Variants in GRID2 observed in about 807,000 individuals in gnomAD.
GRID2 encodes glutamate receptor ionotropic, delta-2.
In GRID2, 33 loss-of-function variants were observed where a neutral mutation model predicts 114.8. That is an observed-to-expected ratio of 0.29 (90% CI 0.22 to 0.38). The LOEUF (loss-of-function observed/expected upper bound fraction) is 0.38, where lower values mean the gene tolerates loss of function less well. GRID2 is among the 10% of genes least tolerant of loss of function. The pLI is 1.00. For missense variants in GRID2, 1,184 were observed against 1,257.7 expected (o/e 0.94, Z 0.89); for synonymous variants, 505 against 449.9 (o/e 1.12, Z -1.55).
intron 14 of GRID2, among the ~76,000 whole-genome samples, chr4:93,633,402 C>T (rs1211466668): frequency 1.3e-5 from 2 of 151,964 alleles, no homozygotes; most frequent in Non-Finnish European, 1.5e-5. Context: ...TTACACTTTA[C>T]CTCTTGTTTC....
chr4:93,398,704 C>T (rs1298940721), intron 9 of GRID2, among the ~76,000 whole-genome samples: 1 of 150,228 alleles, frequency 6.7e-6, no homozygotes, highest in African/African-American at 2.4e-5. Flanking sequence ...CTTAGCCCTG[C>T]ACAGATATTG....
chr4:93,066,243 T>C (rs1728281150), intron 2 of GRID2, among the ~76,000 whole-genome samples: 1 of 152,010 alleles, frequency 6.6e-6, no homozygotes, highest in Admixed American at 6.6e-5. Flanking sequence ...TAACATGTGA[T>C]GGTACTAAGA....
At position 93,205,001 on chromosome 4, in the gene GRID2, C is replaced by A. The variant is rs535471517; in HGVS notation, c.736-2403C>A. On this transcript the variant is annotated intron_variant, in intron 4 of 15. Transcript: ENST00000282020. ...TTTACATATTTTAGTAGTGGTTTAC[C>A]CCCTTGTACAACATATTTCTCTTTA... Among the ~76,000 whole-genome samples, 5 of 151,976 alleles carry A rather than the reference C, an allele frequency of 3.3e-5. No homozygotes were observed. In the South Asian group the frequency reaches 6.2e-4, roughly 19 times the overall value.
At chr4:93,114,560 A>C (rs748401908) in intron 4 of GRID2, among the ~76,000 whole-genome samples, 13 of 152,168 alleles carry the variant, frequency 8.5e-5, no homozygotes, top group Non-Finnish European at 1.5e-4. Context: ...GCAATGATGT[A>C]GGAATGGCAG....
At chr4:92,521,988 G>A (rs572932633) in intron 1 of GRID2, among the ~76,000 whole-genome samples, 7 of 151,964 alleles carry the variant, frequency 4.6e-5, no homozygotes, top group South Asian at 2.1e-4. Flanking sequence ...TCCATCCCTC[G>A]TGGAGCCTAT....
chr4:92,734,131 CA>C (rs1358707227), intron 2 of GRID2, among the ~76,000 whole-genome samples: 1 of 151,998 alleles, frequency 6.6e-6, no homozygotes, highest in African/African-American at 2.4e-5. Context: ...ATGTTTCTAT[CA>C]GCCCTTAGAA....
chr4:92,727,342 A>G (rs1736116671), intron 2 of GRID2, among the ~76,000 whole-genome samples: 1 of 152,132 alleles, frequency 6.6e-6, no homozygotes, highest in East Asian at 1.9e-4. Flanking sequence ...ATTTTCTGTT[A>G]AGAAAACAAA....
intron 1 of GRID2, among the ~76,000 whole-genome samples, chr4:92,487,267 G>T (rs1722941586): frequency 6.6e-6 from 1 of 151,722 alleles, no homozygotes; most frequent in African/African-American, 2.4e-5. Flanking sequence ...TAATATAGAA[G>T]CATAGATATT....
intron 2 of GRID2, among the ~76,000 whole-genome samples, chr4:92,777,394 G>A (rs1214847485): frequency 3.3e-5 from 5 of 151,908 alleles, no homozygotes; most frequent in Admixed American, 6.6e-5. Flanking sequence ...GTGCCTCCAC[G>A]TTTTTCTCAT....
chr4:93,420,977 T>C (rs989659500), intron 9 of GRID2, among the ~76,000 whole-genome samples: 9 of 152,038 alleles, frequency 5.9e-5, no homozygotes, highest in African/African-American at 2.2e-4. Context: ...ATGGTCTCAA[T>C]CTCCTGACCT....
chr4:92,691,858 T>A (rs890891267), intron 2 of GRID2, among the ~76,000 whole-genome samples: 3 of 151,850 alleles, frequency 2.0e-5, no homozygotes, highest in African/African-American at 7.3e-5. Flanking sequence ...ATAGGGTTTT[T>A]ATAACCATTA....
chr4:93,286,062 A>G (rs1434532954), intron 8 of GRID2, among the ~76,000 whole-genome samples: 1 of 152,154 alleles, frequency 6.6e-6, no homozygotes, highest in Non-Finnish European at 1.5e-5. Context: ...AATACATGTC[A>G]GAAAAAAACT....
At chr4:92,982,035 AAAAAAAAAAAG>A (rs1182828493) in intron 2 of GRID2, among the ~76,000 whole-genome samples, 2 of 112,798 alleles carry the variant, frequency 1.8e-5, no homozygotes, top group South Asian at 3.3e-4. Context: ...AAAAAAAAAA[AAAAAAAAAAAG>A]AAAAAGAAAA....
chr4:92,700,735 G>A (rs960696212), intron 2 of GRID2, among the ~76,000 whole-genome samples: 1 of 152,160 alleles, frequency 6.6e-6, no homozygotes, highest in Non-Finnish European at 1.5e-5. Context: ...GCTCACGCCT[G>A]TAATCCCAGC....
chr4:92,647,380 A>G (rs1292507343), intron 2 of GRID2, among the ~76,000 whole-genome samples: 2 of 148,888 alleles, frequency 1.3e-5, no homozygotes, highest in African/African-American at 2.5e-5. Flanking sequence ...ATTCTAACCA[A>G]TAAATGATAC....
chr4:93,779,687 C>T lies in GRID2; in HGVS notation c.221+10237C>T, dbSNP rs549604496. On this transcript the variant is annotated intron_variant, in intron 1 of 1. Coordinates refer to the GRID2 transcript ENST00000637838. ...CTCTATGAAAAGAGGAAAAGAATAA[C>T]ATAGGCTGCATGGAACAAGTGGAAA... 4.6e-4 allele frequency among the ~76,000 whole-genome samples: 70 copies of T among 152,260 alleles called. No homozygotes were observed. The East Asian group carries it at 5.0e-3, about 11-fold the overall frequency.
intron 2 of GRID2, among the ~76,000 whole-genome samples, chr4:92,602,578 C>T (rs1051724563): frequency 6.6e-6 from 1 of 152,088 alleles, no homozygotes; most frequent in African/African-American, 2.4e-5. Flanking sequence ...GTGTGTATGA[C>T]AAACCCACAG....
At position 93,498,096 on chromosome 4, in the gene GRID2, C is replaced by T. The variant is rs868278440; in HGVS notation, c.1997+7319C>T. On this transcript the variant is annotated intron_variant, in intron 12 of 15. Coordinates refer to ENST00000282020, the MANE Select transcript of GRID2 (RefSeq NM_001510.4). The stretch of plus-strand genomic sequence containing the variant: ...CAGTGATTACAAACGTTCTTGGTAT[C>T]TCGATCCATTTGTGCTGCTATAACA... Among the ~76,000 whole-genome samples the T allele has an allele frequency of 3.9e-5, 6 of 151,900 alleles. 1 individual carries two copies. The South Asian group carries it at 1.2e-3, about 32-fold the overall frequency.
chr4:92,865,216 C>T (rs566163784), intron 2 of GRID2, among the ~76,000 whole-genome samples: 1 of 152,292 alleles, frequency 6.6e-6, no homozygotes. Flanking sequence ...CCTGCCTTTA[C>T]TGTCATAATA....
Sources: gnomAD v4.1 joint callset for allele counts (sites outside exome capture counted in the v4.1 genomes callset) on GRCh38, gnomAD v4.1.1 for gene constraint, MANE v1.5 for transcripts, NCBI Gene and HGNC (gene_info 2026-07-23, HGNC 2026-07-21) for gene names.